Variants in SLC25A33 observed in about 807,000 individuals in gnomAD.
The protein encoded by SLC25A33 is solute carrier family 25 member 33.
Under a neutral mutation model 35.5 loss-of-function variants are expected in SLC25A33, and 15 were observed. That is an observed-to-expected ratio of 0.42 (90% CI 0.28 to 0.65). The LOEUF (loss-of-function observed/expected upper bound fraction) is 0.65, where lower values mean the gene tolerates loss of function less well. Ranked by LOEUF, SLC25A33 falls within the 30% of genes least tolerant of loss-of-function variation. The pLI is 0.20. For synonymous variants in SLC25A33, 136 were observed against 148.7 expected, an observed-to-expected ratio of 0.91 and a Z score of 0.62; for missense variants, 257 against 398.5, an observed-to-expected ratio of 0.64 and a Z score of 3.02.
chr1:9,551,907 A>G (rs1390846383), intron 1 of SLC25A33, among the ~76,000 whole-genome samples: 4 of 152,178 alleles, frequency 2.6e-5, no homozygotes, highest in African/African-American at 9.7e-5. Context: ...ATTGGTAGGC[A>G]TGGGTGAGGA....
chr1:9,570,702 G>GTTGT (rs1643577156), intron 4 of SLC25A33, among the ~76,000 whole-genome samples: 1 of 100,064 alleles, frequency 1.0e-5, no homozygotes, highest in African/African-American at 4.0e-5. Context: ...GATAGATATA[G>GTTGT]TTTTTTTTTT....
In SLC25A33 at chr1:9,561,418, A is replaced by AT. The variant is rs1230767247; in HGVS notation, c.237-5856dup. On this transcript the variant is annotated intron_variant, in intron 2 of 6. Coordinates refer to ENST00000302692, the MANE Select transcript of SLC25A33 (RefSeq NM_032315.3). ...ATAAAATGCTCCAAACAAGACCCTG[A>AT]TTTTTTTTTTCCATTTTTTTCCTAA... Among the ~76,000 whole-genome samples, 23 of 150,270 alleles carry AT rather than the reference A, an allele frequency of 1.5e-4. No individual in the cohort carries two copies. The South Asian group carries it at 1.9e-3, about 12-fold the overall frequency.
chr1:9,550,344 T>C (rs1291428157), intron 1 of SLC25A33, among the ~76,000 whole-genome samples: 1 of 151,962 alleles, frequency 6.6e-6, no homozygotes, highest in Non-Finnish European at 1.5e-5. Flanking sequence ...ATCAGTGGCA[T>C]AGACTTGGAT....
intron 6 of SLC25A33, among the ~76,000 whole-genome samples, chr1:9,581,808 A>G (rs1358497839): frequency 1.3e-5 from 2 of 152,218 alleles, no homozygotes; most frequent in Non-Finnish European, 2.9e-5. Flanking sequence ...TAGAGTTGGA[A>G]AAGGTTCTAA....
chr1:9,582,910 G>A lies in SLC25A33; in HGVS notation c.*409G>A. 1 of 180,234 alleles carries A rather than the reference G, an allele frequency of 5.5e-6. No homozygotes were observed. Among genetic ancestry groups the A allele is most frequent in the South Asian group, 1.2e-4 (1 of 8,608 alleles). The allele number at this position is 180,234 out of a possible 1,614,324, so 11.2% of individuals were successfully genotyped here. On this transcript the variant is annotated 3_prime_UTR_variant, in exon 7 of 7. Transcript: ENST00000302692. The surrounding 1 kb of genome is among the most constrained non-coding windows in gnomAD (Gnocchi z 4.0). The stretch of plus-strand genomic sequence containing the variant: ...TTTTATAATCTGACTTTAAGATCTT[G>A]CACTGCTAGACAGGGAAGAAGTGTC...
chr1:9,541,765 T>G (rs1387331281), intron 1 of SLC25A33, among the ~76,000 whole-genome samples: 1 of 148,742 alleles, frequency 6.7e-6, no homozygotes, highest in African/African-American at 2.5e-5. Flanking sequence ...TTCTGCTCAG[T>G]GATTTTGACT....
chr1:9,577,284 C>T (rs1053969511), intron 5 of SLC25A33, among the ~76,000 whole-genome samples: 1 of 152,022 alleles, frequency 6.6e-6, no homozygotes, highest in African/African-American at 2.4e-5. Context: ...ATGGTGAAAC[C>T]CTGTCCTACA....
chr1:9,580,038 A>T lies in SLC25A33; in HGVS notation c.567A>T (p.Gly189=). The T allele has an allele frequency of 3.1e-6, 5 of 1,612,974 alleles. No homozygotes were observed. The highest frequency in any genetic ancestry group is 4.2e-6 in the Non-Finnish European group (5 of 1,179,354). The change falls in exon 6 of 7, where the codon GGA becomes GGT. Residue 189 remains glycine, a synonymous_variant. Coordinates refer to ENST00000302692, the MANE Select transcript of SLC25A33 (RefSeq NM_032315.3). ...QTEGIRGFYR[G]LTASYAGISE... ...AAGGCATTCGTGGCTTCTATAGAGGATTAACTGCCTCGTATGCTGGAATTT... is the reference window on the plus strand; with the variant it reads ...AAGGCATTCGTGGCTTCTATAGAGGTTTAACTGCCTCGTATGCTGGAATTT...
chr1:9,545,563 A>G (rs1412411779), intron 1 of SLC25A33, among the ~76,000 whole-genome samples: 2 of 151,384 alleles, frequency 1.3e-5, no homozygotes, highest in Non-Finnish European at 1.5e-5. Context: ...ACGCCTGGCT[A>G]ATTTTTTTTT....
chr1:9,567,713 A>T (rs1280967025), intron 3 of SLC25A33, among the ~76,000 whole-genome samples: 1 of 152,240 alleles, frequency 6.6e-6, no homozygotes, highest in Non-Finnish European at 1.5e-5. Flanking sequence ...TCCCAGACCT[A>T]CATCAGAATC....
At chr1:9,562,215 G>A (rs1557530610) in intron 2 of SLC25A33, among the ~76,000 whole-genome samples, 1 of 151,754 alleles carries the variant, frequency 6.6e-6, no homozygotes, top group Non-Finnish European at 1.5e-5. Context: ...AGGTATGGTG[G>A]TGTACACCTG....
intron 4 of SLC25A33, among the ~76,000 whole-genome samples, chr1:9,572,626 GAAAA>G (rs1293052677): frequency 6.6e-6 from 1 of 151,856 alleles, no homozygotes; most frequent in African/African-American, 2.4e-5. Context: ...CAAAAAAAAA[GAAAA>G]AACCAGTGTC....
chr1:9,567,842 T>C (rs565081629), intron 3 of SLC25A33, among the ~76,000 whole-genome samples: 33 of 152,222 alleles, frequency 2.2e-4, no homozygotes, highest in Admixed American at 3.3e-4. Flanking sequence ...TTTGCAGGGC[T>C]TCTCCTGAAA....
At chr1:9,574,172 C>T (rs889965560) in intron 5 of SLC25A33, among the ~76,000 whole-genome samples, 3 of 149,254 alleles carry the variant, frequency 2.0e-5, no homozygotes, top group African/African-American at 7.5e-5. Context: ...CACCCAGCCT[C>T]GACCTCCCAG....
At chr1:9,540,135 CAG>C (rs1643056130) in intron 1 of SLC25A33, among the ~76,000 whole-genome samples, 1 of 152,184 alleles carries the variant, frequency 6.6e-6, no homozygotes, top group Non-Finnish European at 1.5e-5. Context: ...CGCAGCGCCT[CAG>C]AGCCCGTGGT....
chr1:9,582,616 G>T lies in SLC25A33; in HGVS notation c.*115G>T. On this transcript the variant is annotated 3_prime_UTR_variant, in exon 7 of 7. Coordinates refer to ENST00000302692, the MANE Select transcript of SLC25A33 (RefSeq NM_032315.3). This position sits in a 1 kb window ranked among gnomAD's most constrained non-coding sequence, Gnocchi z 4.0. ...AAACAGGAAAGGCCATAAAATATCT[G>T]GTTCATATCACCTGTTGGACATTTC... is the stretch of plus-strand genomic sequence containing the variant. 1.0e-6 allele frequency: 1 copy of T among 957,838 alleles called. No homozygotes were observed. Among genetic ancestry groups the T allele is most frequent in the Non-Finnish European group, 1.5e-6 (1 of 651,098 alleles). 59.3% of individuals were successfully genotyped at this position (957,838 alleles called of 1,614,324 possible). A position where few individuals can be genotyped will look rare whatever the true frequency, so the allele number is the denominator to read the frequency against.
chr1:9,582,427 C>T lies in SLC25A33; in HGVS notation c.892C>T (p.Gln298Ter). Residue 298 changes from glutamine to a stop codon, truncating the protein, a stop_gained, in exon 7 of 7, where the codon CAG (glutamine) becomes TAG (stop). Transcript: ENST00000302692. LOFTEE classifies it high-confidence loss of function. The surrounding 1 kb of genome is among the most constrained non-coding windows in gnomAD (Gnocchi z 4.0). ...AGGACTGTTTGCCCAGCTTATCCGG[C>T]AGATCCCAAATACTGCCATTGTGTT... Reference protein sequence around the residue: ...YRGLFAQLIRQIPNTAIVLST... With the variant: ...YRGLFAQLIR 6.2e-7 allele frequency: 1 copy of T among 1,613,980 alleles called. No homozygotes were observed. Among genetic ancestry groups the T allele is most frequent in the Non-Finnish European group, 8.5e-7 (1 of 1,179,864 alleles).
At chr1:9,570,572 C>G (rs1215448990) in intron 4 of SLC25A33, among the ~76,000 whole-genome samples, 5 of 151,948 alleles carry the variant, frequency 3.3e-5, no homozygotes, top group Non-Finnish European at 7.4e-5. Flanking sequence ...TATTTGCCCT[C>G]AAAATGTACA....
At chr1:9,570,587 C>CT (rs1486947600) in intron 4 of SLC25A33, among the ~76,000 whole-genome samples, 3 of 151,282 alleles carry the variant, frequency 2.0e-5, no homozygotes, top group African/African-American at 7.3e-5. Flanking sequence ...TGTACATGTT[C>CT]TATGCATGCT....
Sources: gnomAD v4.1 joint callset for allele counts (sites outside exome capture counted in the v4.1 genomes callset) on GRCh38, gnomAD v4.1.1 for gene constraint, Gnocchi (gnomAD v3.1) non-coding constraint, MANE v1.5 for transcripts, NCBI Gene and HGNC (gene_info 2026-07-23, HGNC 2026-07-21) for gene names.